The following C3orf20 variants were observed in gnomAD, a reference collection of about 807,000 sequenced individuals.
C3orf20 encodes the protein uncharacterized protein C3orf20.
A neutral mutation model predicts 88.3 loss-of-function variants in C3orf20; 76 were observed. The observed-to-expected ratio is 0.86, with a 90% CI of 0.72 to 1.04. The LOEUF (loss-of-function observed/expected upper bound fraction) is 1.04. Among genes scored for constraint, C3orf20 ranks in the 50% least tolerant of loss-of-function variants. The probability of loss-of-function intolerance (pLI) is 0.00; values close to 1 mark genes in which losing one functional copy is unlikely to be tolerated. For synonymous variants in C3orf20, 436 were observed against 437.4 expected (o/e 1.00, Z 0.04); for missense variants, 1,056 against 1,123.3 (o/e 0.94, Z 0.86).
At chr3:14,715,558 A>T (rs2033907457) in intron 9 of C3orf20, 149 bp downstream of exon 9, 1 of 1,108,494 alleles carries the variant, frequency 9.0e-7, no homozygotes, top group Non-Finnish European at 1.2e-6. Context: ...AATCTCATTC[A>T]GAGGTTCCCA....
At position 14,772,722 on chromosome 3, in the gene C3orf20, C is replaced by G. The variant is rs918946049; in HGVS notation, c.2631-69C>G. 1.5e-6 allele frequency: 2 copies of G among 1,334,144 alleles called. No homozygotes were observed. The highest frequency in any genetic ancestry group is 2.1e-6 in the Non-Finnish European group (2 of 932,406). The allele number at this position is 1,334,144 out of a possible 1,614,324, so 82.6% of individuals were successfully genotyped here. On this transcript the variant is annotated intron_variant, in intron 16 of 16. Transcript: ENST00000253697. The surrounding 1 kb of genome is among the most constrained non-coding windows in gnomAD (Gnocchi z 4.2). ...GAGGGCCTTGCCCCTCCTGGCCCAA[C>G]CGGGCCTGGGCTCTGGGCACTGTGA...
At chr3:14,721,425 G>A (rs535615756) in intron 9 of C3orf20, among the ~76,000 whole-genome samples, 1 of 152,376 alleles carries the variant, frequency 6.6e-6, no homozygotes, top group East Asian at 1.9e-4. Context: ...GTTGGAAAGG[G>A]AAGGAGTAGG....
At chr3:14,704,244 A>C (rs1322162451) in intron 6 of C3orf20, 93 bp from the exon 7 acceptor site, 1 of 1,295,034 alleles carries the variant, frequency 7.7e-7, no homozygotes, top group African/African-American at 1.5e-5. Flanking sequence ...GGAATGGGAT[A>C]GGGGTCTTGG....
chr3:14,707,384 G>T (rs147128544), intron 7 of C3orf20, among the ~76,000 whole-genome samples: 1 of 151,224 alleles, frequency 6.6e-6, no homozygotes, highest in African/African-American at 2.4e-5. Flanking sequence ...GGTGTGAGTG[G>T]TATCTCACTG....
chr3:14,685,212 G>GA (rs985792027), intron 4 of C3orf20, among the ~76,000 whole-genome samples: 8 of 151,680 alleles, frequency 5.3e-5, no homozygotes, highest in African/African-American at 1.7e-4. Flanking sequence ...TAGTATTAAG[G>GA]AAAAAAAAGA....
chr3:14,757,554 C>T lies in C3orf20; in HGVS notation c.2124C>T (p.Ser708=). ...TCCTGTTGGCGCCCCGAGACCCCAG[C>T]CAAGTGCTGGTGTTTGGGATCATCT... The part of the protein sequence containing the change: ...ERFLLAPRDP[S]QVLVFGIISS... Residue 708 remains serine (S), a synonymous_variant, in exon 13 of 17, where the codon AGC becomes AGT. Transcript: ENST00000253697. 1 of 1,614,132 alleles carries T rather than the reference C, an allele frequency of 6.2e-7. No homozygotes were observed. Among genetic ancestry groups the T allele is most frequent in the Non-Finnish European group, 8.5e-7 (1 of 1,180,002 alleles).
chr3:14,709,248 G>A (rs541243507), intron 7 of C3orf20, among the ~76,000 whole-genome samples: 96 of 152,262 alleles, frequency 6.3e-4, no homozygotes, highest in Middle Eastern at 3.4e-3. Context: ...TTTGTTTGCT[G>A]TAGATTTTTT....
chr3:14,727,650 A>T (rs2034400473), intron 11 of C3orf20, among the ~76,000 whole-genome samples: 1 of 151,868 alleles, frequency 6.6e-6, no homozygotes, highest in Non-Finnish European at 1.5e-5. Context: ...CTCTCTGGGG[A>T]GTTTCTTCTC....
intron 12 of C3orf20, among the ~76,000 whole-genome samples, chr3:14,754,386 A>C (rs767725469): frequency 3.9e-5 from 6 of 152,214 alleles, no homozygotes; most frequent in Non-Finnish European, 8.8e-5. Flanking sequence ...CAAGGTTCAT[A>C]TTGTCCCCTC....
At chr3:14,725,893 G>A (rs1420151684) in intron 10 of C3orf20, among the ~76,000 whole-genome samples, 1 of 151,796 alleles carries the variant, frequency 6.6e-6, no homozygotes, top group Non-Finnish European at 1.5e-5. Context: ...AAATGACCAG[G>A]ACCCAGGGCA....
chr3:14,694,383 C>T (rs2032875558), intron 5 of C3orf20, among the ~76,000 whole-genome samples: 1 of 152,040 alleles, frequency 6.6e-6, no homozygotes, highest in South Asian at 2.1e-4. Context: ...TTGGTCTGTT[C>T]AGGTTTTGGA....
chr3:14,772,710 C>T lies in C3orf20; in HGVS notation c.2631-81C>T. On this transcript the variant is annotated intron_variant, in intron 16 of 16. Coordinates refer to ENST00000253697, the MANE Select transcript of C3orf20 (RefSeq NM_032137.5). The surrounding 1 kb of genome is among the most constrained non-coding windows in gnomAD (Gnocchi z 4.2). ...CTGTGCAAGGGAGAGGGCCTTGCCC[C>T]TCCTGGCCCAACCGGGCCTGGGCTC... 1 of 1,190,638 alleles carries T rather than the reference C, an allele frequency of 8.4e-7. No homozygotes were observed. The highest frequency in any genetic ancestry group is 1.3e-5 in the South Asian group (1 of 78,872). The allele number at this position is 1,190,638 out of a possible 1,614,324, so 73.8% of individuals were successfully genotyped here.
intron 12 of C3orf20, among the ~76,000 whole-genome samples, chr3:14,746,562 A>G (rs1358783051): frequency 6.6e-6 from 1 of 152,198 alleles, no homozygotes; most frequent in African/African-American, 2.4e-5. Flanking sequence ...TTTTTCTGAA[A>G]GCATCATTGA....
chr3:14,766,618 G>A (rs1234666338), intron 15 of C3orf20, among the ~76,000 whole-genome samples: 1 of 152,206 alleles, frequency 6.6e-6, no homozygotes, highest in Non-Finnish European at 1.5e-5. Flanking sequence ...GCCCCTATCT[G>A]TGCCAGTGAG....
At chr3:14,697,252 T>A (rs1329939740) in intron 5 of C3orf20, among the ~76,000 whole-genome samples, 1 of 152,190 alleles carries the variant, frequency 6.6e-6, no homozygotes, top group East Asian at 1.9e-4. Flanking sequence ...ATTATTTCTT[T>A]GAATAAACTT....
rs79872442 is a variant in C3orf20 at position 14,706,734 on chromosome 3, C to G, written c.1160+2116C>G. Among the ~76,000 whole-genome samples the G allele has an allele frequency of 9.7e-4, 148 of 152,146 alleles. 1 individual carries two copies. Among genetic ancestry groups the G allele is most frequent in the African/African-American group, 3.3e-3 (135 of 41,518 alleles). On this transcript the variant is annotated intron_variant, in intron 7 of 16. Coordinates refer to ENST00000253697, the MANE Select transcript of C3orf20 (RefSeq NM_032137.5). ...CAAATCACTTGATCTCTGTGCCTCA[C>G]TTCCCTTGATTATAAGATGAGGAAG...
intron 9 of C3orf20, 97 bp downstream of exon 9, chr3:14,715,506 G>C: frequency 7.0e-7 from 1 of 1,423,342 alleles, no homozygotes; most frequent in South Asian, 1.7e-5. Context: ...TAAAAGCCCA[G>C]GGCTACCCGT....
intron 10 of C3orf20, among the ~76,000 whole-genome samples, chr3:14,725,870 A>G (rs1459743758): frequency 1.2e-4 from 10 of 83,096 alleles, no homozygotes; most frequent in Non-Finnish European, 2.1e-4. Context: ...AAAGGCAGTG[A>G]AAAAAAAAAA....
chr3:14,695,369 T>G (rs982271810), intron 5 of C3orf20, among the ~76,000 whole-genome samples: 2 of 147,564 alleles, frequency 1.4e-5, no homozygotes, highest in East Asian at 2.0e-4. Flanking sequence ...TTATTTCAGG[T>G]TTTTTTTTTT....
Sources: gnomAD v4.1 joint callset for allele counts (sites outside exome capture counted in the v4.1 genomes callset) on GRCh38, gnomAD v4.1.1 for gene constraint, Gnocchi (gnomAD v3.1) non-coding constraint, MANE v1.5 for transcripts, NCBI Gene and HGNC (gene_info 2026-07-23, HGNC 2026-07-21) for gene names.